ACSM2B: variants seen among roughly 807,000 people sequenced by gnomAD.
ACSM2B encodes acyl-coenzyme A synthetase ACSM2B, mitochondrial.
ACSM2B carries 58 observed loss-of-function variants against 78.6 expected under a neutral mutation model. The ratio of observed to expected loss-of-function variants is 0.74; its 90% CI spans 0.60 to 0.92. ACSM2B has a LOEUF of 0.92. ACSM2B is among the 40% of genes least tolerant of loss of function. The pLI is 0.00. For missense variants in ACSM2B, 688 were observed against 711.2 expected, an observed-to-expected ratio of 0.97 and a Z score of 0.37; for synonymous variants, 257 against 256.8, an observed-to-expected ratio of 1.00 and a Z score of -0.01.
At chr16:20,553,996 C>G (rs1307368774) in intron 4 of ACSM2B, 76 bp from the exon 5 acceptor site, 38 of 1,599,754 alleles carry the variant, frequency 2.4e-5, no homozygotes, top group Non-Finnish European at 3.0e-5. Flanking sequence ...TCTTTTCCCA[C>G]CACCCACTGT....
At chr16:20,546,534 A>C in intron 8 of ACSM2B, 60 bp from the exon 9 acceptor site, 1 of 1,569,666 alleles carries the variant, frequency 6.4e-7, no homozygotes. Context: ...TCACAGAAAA[A>C]GAAAAAATTT....
intron 1 of ACSM2B, chr16:20,574,771 C>T (rs1381096119): frequency 1.3e-5 from 2 of 150,824 alleles, no homozygotes; most frequent in East Asian, 3.9e-4. Context: ...GTCTATTTTT[C>T]CACAATTTCA....
intron 2 of ACSM2B, among the ~76,000 whole-genome samples, chr16:20,563,853 C>A (rs932665193): frequency 1.2e-4 from 18 of 151,984 alleles, no homozygotes; most frequent in African/African-American, 4.4e-4. Context: ...ATGAATCCTT[C>A]CATCCTACAG....
intron 1 of ACSM2B, among the ~76,000 whole-genome samples, chr16:20,566,689 C>CTATATAG (rs1555459361): frequency 0.011 from 48 of 4,208 alleles, 4 homozygotes; most frequent in South Asian, 0.068. Context: ...ATAGTATATA[C>CTATATAG]TATATATAGT....
At chr16:20,542,799 G>T (rs1449629086) in intron 12 of ACSM2B, 115 bp downstream of exon 12, 1 of 1,351,902 alleles carries the variant, frequency 7.4e-7, no homozygotes, top group Non-Finnish European at 1.0e-6. Flanking sequence ...GTAAGTGGCA[G>T]GGCCAAGATT....
intron 10 of ACSM2B, among the ~76,000 whole-genome samples, chr16:20,543,734 C>A (rs1289540009): frequency 6.6e-6 from 1 of 152,066 alleles, no homozygotes; most frequent in African/African-American, 2.4e-5. Flanking sequence ...TAGCTGGGTC[C>A]CTCTATTCAG....
intron 12 of ACSM2B, 193 bp downstream of exon 12, chr16:20,542,721 C>T (rs1279680950): frequency 2.9e-6 from 2 of 678,974 alleles, no homozygotes; most frequent in Non-Finnish European, 4.9e-6. Flanking sequence ...CATAACAATC[C>T]CTCATCTTAC....
At chr16:20,563,728 ACTGTTTC>A (rs879331507) in intron 2 of ACSM2B, among the ~76,000 whole-genome samples, 2,082 of 151,808 alleles carry the variant, frequency 0.014, 21 homozygotes, top group Non-Finnish European at 0.022. Context: ...CCACACTAAG[ACTGTTTC>A]ATAGTGTAGG....
At chr16:20,561,952 G>A (rs1470871885) in intron 2 of ACSM2B, among the ~76,000 whole-genome samples, 1 of 29,114 alleles carries the variant, frequency 3.4e-5, no homozygotes, top group East Asian at 2.3e-3. Context: ...CTATGAGTGA[G>A]AACATGCAGT....
intron 3 of ACSM2B, among the ~76,000 whole-genome samples, chr16:20,556,012 G>T (rs1252099810): frequency 6.6e-6 from 1 of 151,980 alleles, no homozygotes; most frequent in Non-Finnish European, 1.5e-5. Context: ...GTACAAAGCG[G>T]TATTATAATT....
chr16:20,557,710 G>A (rs1379351336), intron 3 of ACSM2B, among the ~76,000 whole-genome samples: 1 of 152,148 alleles, frequency 6.6e-6, no homozygotes, highest in Non-Finnish European at 1.5e-5. Context: ...ACCTCTACAT[G>A]TTCATTCTAT....
intron 5 of ACSM2B, among the ~76,000 whole-genome samples, chr16:20,553,227 A>G (rs2015372309): frequency 6.6e-6 from 1 of 152,154 alleles, no homozygotes; most frequent in South Asian, 2.1e-4. Context: ...AACAATTCTG[A>G]TGATTTATAG....
At chr16:20,563,561 C>A (rs1217971664) in intron 2 of ACSM2B, among the ~76,000 whole-genome samples, 1 of 151,762 alleles carries the variant, frequency 6.6e-6, no homozygotes, top group East Asian at 1.9e-4. Context: ...ATTTAAAGGG[C>A]CTTCCTCAAT....
chr16:20,565,003 T>A, intron 1 of ACSM2B, 150 bp from the exon 2 acceptor site: 1 of 1,168,544 alleles, frequency 8.6e-7, no homozygotes, highest in Non-Finnish European at 1.1e-6. Flanking sequence ...ACTCTGCATC[T>A]GTTTCAGTCT....
At chr16:20,550,216 CACAAATATTCAAACCATGGCAATGGTT>C (rs2015268562) in intron 6 of ACSM2B, among the ~76,000 whole-genome samples, 2 of 151,916 alleles carry the variant, frequency 1.3e-5, no homozygotes, top group African/African-American at 4.8e-5. Flanking sequence ...TTTTGGGGGG[CACAAATATTCAAACCATGGCAATGGTT>C]TAAGCAAAAT....
intron 1 of ACSM2B, among the ~76,000 whole-genome samples, chr16:20,566,314 T>G (rs1445466535): frequency 1.5e-5 from 2 of 134,122 alleles, no homozygotes; most frequent in East Asian, 4.2e-4. Flanking sequence ...TAAATATATA[T>G]CCATCAGCTT....
At chr16:20,560,589 G>T (rs2015622316) in intron 2 of ACSM2B, among the ~76,000 whole-genome samples, 1 of 151,958 alleles carries the variant, frequency 6.6e-6, no homozygotes, top group African/African-American at 2.4e-5. Flanking sequence ...TCTTTTCTTT[G>T]TAAGTTACCT....
At chr16:20,540,852 A>G in intron 12 of ACSM2B, 79 bp from the exon 13 acceptor site, 3 of 1,561,972 alleles carry the variant, frequency 1.9e-6, no homozygotes, top group Non-Finnish European at 2.6e-6. Flanking sequence ...ATTAGCATTA[A>G]GACTTGCATC....
chr16:20,559,551 T>C, intron 2 of ACSM2B, 104 bp from the exon 3 acceptor site: 1 of 1,430,344 alleles, frequency 7.0e-7, no homozygotes, highest in Non-Finnish European at 9.3e-7. Flanking sequence ...TAAGGTTTTT[T>C]ATCTCAGCAC....
Sources: gnomAD v4.1 joint callset for allele counts (sites outside exome capture counted in the v4.1 genomes callset) on GRCh38, gnomAD v4.1.1 for gene constraint, MANE v1.5 for transcripts, NCBI Gene and HGNC (gene_info 2026-07-23, HGNC 2026-07-21) for gene names.